CHM: variants seen among roughly 807,000 people sequenced by gnomAD.
CHM encodes the protein CHM Rab escort protein.
CHM carries 10 observed loss-of-function variants against 49.0 expected under a neutral mutation model. The observed-to-expected ratio is 0.20, with a 90% CI of 0.13 to 0.35. CHM has a LOEUF of 0.35. CHM is among the 10% of genes least tolerant of loss of function. The pLI is 1.00. For missense variants in CHM, 455 were observed against 478.4 expected (o/e 0.95, Z 0.46); for synonymous variants, 184 against 167.5 (o/e 1.10, Z -0.76).
chrX:86,022,444 G>A (rs966714089), intron 2 of CHM, among the ~76,000 whole-genome samples: 1 of 111,022 alleles, frequency 9.0e-6, no homozygotes, highest in Admixed American at 9.6e-5. Context: ...GAGACACTAA[G>A]GTTTTCAAGG....
chrX:85,934,279 CTTTT>C (rs769967072), intron 8 of CHM, among the ~76,000 whole-genome samples: 31 of 71,237 alleles, frequency 4.4e-4, no homozygotes, highest in African/African-American at 1.4e-3. Flanking sequence ...TGCGCTCAGC[CTTTT>C]TTTTTTTTTT....
chrX:85,906,279 CT>C (rs1926583360), intron 9 of CHM, among the ~76,000 whole-genome samples: 1 of 111,963 alleles, frequency 8.9e-6, no homozygotes, highest in South Asian at 3.8e-4. Context: ...CTTGTTACCT[CT>C]GATTATAGTC....
At chrX:86,031,173 G>T (rs777685911) in intron 1 of CHM, among the ~76,000 whole-genome samples, 9 of 111,403 alleles carry the variant, frequency 8.1e-5, no homozygotes, top group Non-Finnish European at 1.7e-4. Flanking sequence ...GGGTTTGGGG[G>T]AGAGGGAAAT....
intron 8 of CHM, among the ~76,000 whole-genome samples, chrX:85,955,632 T>C (rs1385974576): frequency 8.9e-6 from 1 of 112,256 alleles, no homozygotes; most frequent in Non-Finnish European, 1.9e-5. Context: ...AAGGTTATAA[T>C]TGGTACAGCC....
chrX:85,956,298 T>C lies in CHM; in HGVS notation c.1021A>G (p.Ile341Val), dbSNP rs766977263. The C allele has an allele frequency of 5.0e-6, 6 of 1,211,619 alleles. No individual in the cohort carries two copies. The Admixed American group carries it at 6.5e-5, about 13-fold the overall frequency. ...PNLQYIVMHS[I>V]AMTSETASST... The stretch of plus-strand genomic sequence containing the variant: ...CTGGCTGTCTCTGATGTCATTGCAA[T>C]TGAATGCATGACAATATATTGGAGG... The change falls in exon 8 of 15, where the codon ATT becomes GTT. Residue 341 changes from isoleucine (I) to valine (V), a missense_variant. Physicochemically the swap from Ile to Val is conservative, Grantham distance 29. Coordinates refer to ENST00000357749, the MANE Select transcript of CHM (RefSeq NM_000390.4).
intron 8 of CHM, among the ~76,000 whole-genome samples, chrX:85,938,794 C>T (rs1928938296): frequency 1.8e-5 from 2 of 110,399 alleles, no homozygotes; most frequent in South Asian, 3.9e-4. Context: ...GCCAGCCTTC[C>T]GTTGCTATTT....
chrX:86,044,610 T>C (rs925984777), intron 1 of CHM, among the ~76,000 whole-genome samples: 3 of 112,010 alleles, frequency 2.7e-5, no homozygotes, highest in African/African-American at 9.7e-5. Flanking sequence ...TCCAGTGAGA[T>C]GTAATGTTAC....
intron 2 of CHM, among the ~76,000 whole-genome samples, chrX:85,988,434 A>T (rs1162997468): frequency 8.9e-6 from 1 of 111,858 alleles, no homozygotes; most frequent in Non-Finnish European, 1.9e-5. Context: ...TCACCTTGAA[A>T]ACTGGCACAA....
intron 1 of CHM, among the ~76,000 whole-genome samples, chrX:86,032,523 T>C (rs951283507): frequency 8.9e-6 from 1 of 111,914 alleles, no homozygotes; most frequent in Non-Finnish European, 1.9e-5. Context: ...TTTACTTAAG[T>C]TACCCTCAAA....
At chrX:85,990,607 A>G (rs1305586063) in intron 2 of CHM, among the ~76,000 whole-genome samples, 1 of 111,904 alleles carries the variant, frequency 8.9e-6, no homozygotes, top group Non-Finnish European at 1.9e-5. Flanking sequence ...CTCTCTTAAC[A>G]CTAATCAAGA....
intron 2 of CHM, among the ~76,000 whole-genome samples, chrX:86,009,515 G>A (rs17318330): frequency 0.26 from 28,975 of 111,212 alleles, 3,409 homozygotes; most frequent in Admixed American, 0.38. Context: ...GCTTACAGTC[G>A]TCCTATATAA....
At chrX:86,019,619 G>C (rs1341996948) in intron 2 of CHM, 1 of 112,067 alleles carries the variant, frequency 8.9e-6, no homozygotes, top group African/African-American at 3.2e-5. Flanking sequence ...GCTGGTCCAA[G>C]TGCAGTGGTA....
At chrX:85,880,373 C>G (rs1443125110) in intron 12 of CHM, among the ~76,000 whole-genome samples, 1 of 111,122 alleles carries the variant, frequency 9.0e-6, no homozygotes, top group Non-Finnish European at 1.9e-5. Flanking sequence ...CTTAATCCTC[C>G]TAGATAATTA....
chrX:85,898,776 G>A (rs1926069989), intron 11 of CHM, among the ~76,000 whole-genome samples: 1 of 112,039 alleles, frequency 8.9e-6, no homozygotes, highest in African/African-American at 3.2e-5. Flanking sequence ...TTGTCACTCT[G>A]AACTACAGTT....
At chrX:85,887,197 T>A (rs1379460102) in intron 12 of CHM, among the ~76,000 whole-genome samples, 1 of 110,626 alleles carries the variant, frequency 9.0e-6, no homozygotes, top group African/African-American at 3.3e-5. Context: ...CATCTTGAAT[T>A]CTCACATGTT....
intron 2 of CHM, among the ~76,000 whole-genome samples, chrX:86,013,107 C>G (rs926564422): frequency 7.2e-5 from 8 of 111,703 alleles, no homozygotes; most frequent in Non-Finnish European, 1.5e-4. Flanking sequence ...ATAAAAAACC[C>G]CGGACACAGC....
rs1928756563 is a variant in CHM at position 85,935,953 on chromosome X, AT to A, written c.1166+20199del. 3.6e-5 allele frequency among the ~76,000 whole-genome samples: 4 copies of A among 112,054 alleles called. No individual in the cohort carries two copies. In the Admixed American group the frequency reaches 3.8e-4, roughly 11 times the overall value. ...AAAGGAAAAGTTTCTGTCCCATAATATTTAATTTCTTTTTATGGTAATTGCT... is the reference window on the plus strand; with the variant it reads ...AAAGGAAAAGTTTCTGTCCCATAATATTAATTTCTTTTTATGGTAATTGCT... On this transcript the variant is annotated intron_variant, in intron 8 of 14. Transcript: ENST00000357749.
At chrX:86,023,378 C>T (rs777604459) in intron 2 of CHM, among the ~76,000 whole-genome samples, 10 of 110,811 alleles carry the variant, frequency 9.0e-5, no homozygotes, top group Non-Finnish European at 1.9e-4. Flanking sequence ...GTTGCTCCAT[C>T]TGTCCAAAAT....
rs1335108426 is a variant in CHM at position 85,969,081 on chromosome X, G to A, written c.315-5029C>T. On this transcript the variant is annotated intron_variant, in intron 4 of 14. Coordinates refer to ENST00000357749, the MANE Select transcript of CHM (RefSeq NM_000390.4). ...AAATTTAAGAATTCAAAATAAATCA[G>A]TAGAATTTTAGATTCCTATTGCAAA... The A allele has an allele frequency of 8.8e-6, 6 of 680,202 alleles. No individual in the cohort carries two copies. In the African/African-American group the frequency reaches 1.4e-4, roughly 16 times the overall value. 56.1% of individuals were successfully genotyped at this position (680,202 alleles called of 1,213,427 possible). A position where few individuals can be genotyped will look rare whatever the true frequency, so the allele number is the denominator to read the frequency against.
Sources: gnomAD v4.1 joint callset for allele counts (sites outside exome capture counted in the v4.1 genomes callset) on GRCh38, gnomAD v4.1.1 for gene constraint, MANE v1.5 for transcripts, NCBI Gene and HGNC (gene_info 2026-07-23, HGNC 2026-07-21) for gene names.